Variants in NDUFAF6 observed in about 807,000 individuals in gnomAD.
NDUFAF6 encodes the protein NADH:ubiquinone oxidoreductase complex assembly factor 6, also known as NADH dehydrogenase (ubiquinone) complex I, assembly factor 6.
A neutral mutation model predicts 40.8 loss-of-function variants in NDUFAF6; 45 were observed. The observed-to-expected ratio is 1.10, with a 90% CI of 0.87 to 1.42. NDUFAF6 has a LOEUF of 1.42. NDUFAF6 is among the 40% of genes most tolerant of loss of function. The probability of loss-of-function intolerance (pLI) is 0.00; values close to 1 mark genes in which losing one functional copy is unlikely to be tolerated. For synonymous variants in NDUFAF6, 185 were observed against 155.9 expected, an observed-to-expected ratio of 1.19 and a Z score of -1.39; for missense variants, 435 against 418.5, an observed-to-expected ratio of 1.04 and a Z score of -0.34.
chr8:94,898,177 A>G (rs556948542), intron 1 of NDUFAF6, among the ~76,000 whole-genome samples: 1 of 152,172 alleles, frequency 6.6e-6, no homozygotes, highest in African/African-American at 2.4e-5. Flanking sequence ...TTATTACCCT[A>G]TGATGTGTTT....
chr8:94,941,680 A>G (rs1335275863), intron 1 of NDUFAF6, among the ~76,000 whole-genome samples: 1 of 152,162 alleles, frequency 6.6e-6, no homozygotes, highest in Non-Finnish European at 1.5e-5. Context: ...AGAACTGGAA[A>G]CACCCTTCCT....
At chr8:94,897,119 A>G (rs1225202327) in intron 1 of NDUFAF6, among the ~76,000 whole-genome samples, 2 of 152,216 alleles carry the variant, frequency 1.3e-5, no homozygotes, top group African/African-American at 4.8e-5. Context: ...GATCGTAAGC[A>G]GAACTGGTGG....
intron 1 of NDUFAF6, among the ~76,000 whole-genome samples, chr8:94,933,097 A>T (rs1820585536): frequency 6.6e-6 from 1 of 152,168 alleles, no homozygotes; most frequent in African/African-American, 2.4e-5. Flanking sequence ...ATGTGCCAGT[A>T]ATCCCAGTTA....
At chr8:94,911,649 T>TACC (rs1818787273) in intron 1 of NDUFAF6, among the ~76,000 whole-genome samples, 1 of 152,194 alleles carries the variant, frequency 6.6e-6, no homozygotes, top group Non-Finnish European at 1.5e-5. Flanking sequence ...CTCCAGGGGT[T>TACC]ATTTACCTGG....
intron 2 of NDUFAF6, among the ~76,000 whole-genome samples, chr8:94,951,910 A>G (rs1822655199): frequency 6.6e-6 from 1 of 152,232 alleles, no homozygotes; most frequent in Non-Finnish European, 1.5e-5. Flanking sequence ...GTCAAATTAC[A>G]CAAATGCAAG....
intron 1 of NDUFAF6, among the ~76,000 whole-genome samples, chr8:94,924,356 G>A (rs752728661): frequency 5.9e-5 from 9 of 152,130 alleles, no homozygotes; most frequent in Admixed American, 1.3e-4. Context: ...CACCGCACCC[G>A]GCCCCTTCCT....
intron 8 of NDUFAF6, chr8:95,055,463 A>G (rs1400430271): frequency 1.3e-5 from 2 of 152,220 alleles, no homozygotes; most frequent in Non-Finnish European, 2.9e-5. Context: ...CATTAAAAAA[A>G]GTATAAATAT....
chr8:95,047,517 T>C (rs947489264), intron 6 of NDUFAF6, among the ~76,000 whole-genome samples: 22 of 149,134 alleles, frequency 1.5e-4, no homozygotes, highest in Admixed American at 3.3e-4. Context: ...TCTTTTTTTT[T>C]TTTTTTTTTT....
At chr8:94,965,787 A>T (rs770876374) in intron 1 of NDUFAF6, among the ~76,000 whole-genome samples, 6 of 152,214 alleles carry the variant, frequency 3.9e-5, no homozygotes, top group Non-Finnish European at 7.3e-5. Flanking sequence ...GAAGACTGGG[A>T]ATATGGACAG....
In NDUFAF6 at chr8:94,940,832, A is replaced by C. The variant is rs531048329; in HGVS notation, c.-935-4651A>C. ...CCAAGTAACCAAGTGTACCTTACCT[A>C]TGAAGTCAACAAGAATCCATTCATC... On this transcript the variant is annotated intron_variant, in intron 1 of 14. Coordinates refer to the NDUFAF6 transcript ENST00000396113. The C allele has an allele frequency of 1.7e-5, 28 of 1,610,472 alleles. No homozygotes were observed. The highest frequency in any genetic ancestry group is 2.1e-5 in the Non-Finnish European group (25 of 1,177,660).
rs554327246 is a variant in NDUFAF6, at chr8:95,044,143, C to T, written c.478-1402C>T. ...CAGATACAAAAAGCTACATATTATACGATTCCATTTGTATGAAATGCCCAG... is the reference window on the plus strand; with the variant it reads ...CAGATACAAAAAGCTACATATTATATGATTCCATTTGTATGAAATGCCCAG... On this transcript the variant is annotated intron_variant, in intron 4 of 8. Transcript: ENST00000396124. Among the ~76,000 whole-genome samples, 340 of 152,128 alleles carry T rather than the reference C, an allele frequency of 2.2e-3. 8 individuals are homozygous for T. The South Asian group carries it at 0.042, about 19-fold the overall frequency.
chr8:94,962,460 CTT>C (rs1352857694), intron 1 of NDUFAF6, among the ~76,000 whole-genome samples: 1 of 152,086 alleles, frequency 6.6e-6, no homozygotes, highest in East Asian at 1.9e-4. Flanking sequence ...GCCTGACTAA[CTT>C]TTGTATTTTT....
At position 95,047,110 on chromosome 8, in the gene NDUFAF6, A is replaced by G. The variant is rs1438159640; in HGVS notation, c.697A>G (p.Met233Val). 3 of 1,614,164 alleles carry G rather than the reference A, an allele frequency of 1.9e-6. No individual in the cohort carries two copies. The highest frequency in any genetic ancestry group is 3.3e-5 in the Admixed American group (2 of 60,028). Residue 233 changes from methionine to valine, a missense_variant, in exon 6 of 9, where the codon ATG becomes GTG. By Grantham distance (21) the Met-to-Val change is conservative. Coordinates refer to ENST00000396124, the MANE Select transcript of NDUFAF6 (RefSeq NM_152416.4). Reference protein sequence around the residue: ...HGSRRKVFLPMDICMLHGVSQ... With the variant: ...HGSRRKVFLPVDICMLHGVSQ... ...GAGCAGAAGAAAGGTGTTCCTTCCC[A>G]TGGATATTTGTATGCTGGTAAGGCT...
chr8:95,024,457 G>C (rs1383237000), upstream of NDUFAF6, among the ~76,000 whole-genome samples: 3 of 152,216 alleles, frequency 2.0e-5, no homozygotes, highest in Non-Finnish European at 2.9e-5. Context: ...TTTTCTGCTG[G>C]AGGTGTTAGG....
intron 2 of NDUFAF6, among the ~76,000 whole-genome samples, chr8:95,004,599 C>T (rs1029058962): frequency 1.3e-5 from 2 of 152,156 alleles, no homozygotes; most frequent in African/African-American, 4.8e-5. Flanking sequence ...ATCCTCCTGC[C>T]TTGGCCTCCA....
intron 1 of NDUFAF6, among the ~76,000 whole-genome samples, chr8:94,936,800 G>C (rs1468020223): frequency 6.6e-6 from 1 of 152,150 alleles, no homozygotes; most frequent in Non-Finnish European, 1.5e-5. Flanking sequence ...CTCCCTGGAG[G>C]TGCCATCCTG....
At chr8:95,028,454 G>A (rs1311674362) in intron 1 of NDUFAF6, among the ~76,000 whole-genome samples, 1 of 152,206 alleles carries the variant, frequency 6.6e-6, no homozygotes, top group Non-Finnish European at 1.5e-5. Flanking sequence ...TAAATAATCA[G>A]TATATCATGT....
chr8:95,015,966 A>AG (rs1827428121), intron 2 of NDUFAF6, among the ~76,000 whole-genome samples: 1 of 152,224 alleles, frequency 6.6e-6, no homozygotes, highest in East Asian at 1.9e-4. Context: ...AAGGCTTTAA[A>AG]GAGCTTAAGA....
intron 9 of NDUFAF6, among the ~76,000 whole-genome samples, chr8:95,074,798 C>T (rs1052340458): frequency 6.6e-6 from 1 of 152,118 alleles, no homozygotes; most frequent in Non-Finnish European, 1.5e-5. Flanking sequence ...TACTTCCTCA[C>T]TGGTTTCCTG....
Sources: allele counts gnomAD v4.1 joint callset (sites outside exome capture counted in the v4.1 genomes callset), GRCh38; gene constraint gnomAD v4.1.1; transcripts MANE v1.5; gene names NCBI Gene and HGNC (gene_info 2026-07-23, HGNC 2026-07-21).